Variants in SMURF2 observed in about 807,000 individuals in gnomAD.
SMURF2 encodes the protein E3 ubiquitin-protein ligase SMURF2.
A neutral mutation model predicts 109.6 loss-of-function variants in SMURF2; 48 were observed. The ratio of observed to expected loss-of-function variants is 0.44; its 90% CI spans 0.35 to 0.56. The LOEUF (loss-of-function observed/expected upper bound fraction) is 0.56, where lower values mean the gene tolerates loss of function less well. SMURF2 is among the 20% of genes least tolerant of loss of function. SMURF2 has a pLI of 0.01. For synonymous variants in SMURF2, 288 were observed against 317.1 expected (o/e 0.91, Z 0.97); for missense variants, 575 against 909.0 (o/e 0.63, Z 4.72).
Position 64,555,865 on chromosome 17 carries a change from A to G in SMURF2, c.1565T>C (p.Met522Thr). 1.9e-6 allele frequency: 3 copies of G among 1,613,360 alleles called. No individual in the cohort carries two copies. The highest frequency in any genetic ancestry group is 2.5e-6 in the Non-Finnish European group (3 of 1,179,596). Residue 522 changes from methionine to threonine, a missense_variant, in exon 14 of 19, where the codon ATG becomes ACG. Coordinates refer to ENST00000262435, the MANE Select transcript of SMURF2 (RefSeq NM_022739.4). ...GTGAAGATCCGGATCTACTAACTCC[A>G]TGTCATCCAAGGTAATTGACTTCCC... is the stretch of plus-strand genomic sequence containing the variant. ...LLGKSITLDDMELVDPDLHNS... is the reference protein window; with the variant it reads ...LLGKSITLDDTELVDPDLHNS...
chr17:64,646,385 T>C (rs1555692976), intron 1 of SMURF2, among the ~76,000 whole-genome samples: 1 of 150,174 alleles, frequency 6.7e-6, no homozygotes, highest in African/African-American at 2.4e-5. Context: ...TTCTTTCTTT[T>C]TTTTTTTTTT....
At chr17:64,655,192 AACTTAGAT>A (rs1970690045) in intron 1 of SMURF2, among the ~76,000 whole-genome samples, 1 of 151,896 alleles carries the variant, frequency 6.6e-6, no homozygotes, top group African/African-American at 2.4e-5. Context: ...AAACTAAATA[AACTTAGAT>A]ACTTCTTTTT....
rs2144747388 is a variant in SMURF2, at chr17:64,662,282, T to C, written c.-402A>G. The C allele has an allele frequency of 1.0e-6, 1 of 981,506 alleles. No homozygotes were observed. Among genetic ancestry groups the C allele is most frequent in the African/African-American group, 1.8e-5 (1 of 56,294 alleles). 60.8% of individuals were successfully genotyped at this position (981,506 alleles called of 1,614,324 possible). ...GGAGCAGAACTCTGGGCTCGGCCGC[T>C]TCCTCCTCCACCCGCCCTCTTGTCT... On this transcript the variant is annotated 5_prime_UTR_variant, in exon 1 of 19. Transcript: ENST00000262435.
At chr17:64,642,802 A>AT (rs1390916183) in intron 1 of SMURF2, among the ~76,000 whole-genome samples, 1 of 151,640 alleles carries the variant, frequency 6.6e-6, no homozygotes, top group African/African-American at 2.4e-5. Context: ...TTATTTATTT[A>AT]TTTATTTTTT....
intron 3 of SMURF2, among the ~76,000 whole-genome samples, chr17:64,595,872 A>C (rs1268106801): frequency 6.6e-6 from 1 of 152,202 alleles, no homozygotes; most frequent in Admixed American, 6.5e-5. Flanking sequence ...CAGAGGAATA[A>C]AGAAACTTCC....
chr17:64,662,240 C>T lies in SMURF2; in HGVS notation c.-360G>A. On this transcript the variant is annotated 5_prime_UTR_variant, in exon 1 of 19. Coordinates refer to ENST00000262435, the MANE Select transcript of SMURF2 (RefSeq NM_022739.4). ...GACGGGGCTGGTCGGCTGAAGCGGG[C>T]GGTGCTCGGGGGCGCCGGAGCAGAA... 1.6e-5 allele frequency: 16 copies of T among 983,120 alleles called. No homozygotes were observed. Among genetic ancestry groups the T allele is most frequent in the Non-Finnish European group, 1.7e-5 (14 of 829,082 alleles). The allele number at this position is 983,120 out of a possible 1,614,324, so 60.9% of individuals were successfully genotyped here.
chr17:64,556,256 C>G (rs1969118695), intron 13 of SMURF2, among the ~76,000 whole-genome samples: 2 of 152,038 alleles, frequency 1.3e-5, no homozygotes, highest in African/African-American at 2.4e-5. Flanking sequence ...AAATTAAGTC[C>G]AAACTATGGT....
intron 4 of SMURF2, among the ~76,000 whole-genome samples, chr17:64,591,765 T>C (rs140755369): frequency 4.6e-5 from 7 of 152,364 alleles, no homozygotes; most frequent in African/African-American, 9.6e-5. Flanking sequence ...ACAGCACTTA[T>C]AGCTGAATGC....
chr17:64,587,912 T>G (rs1555687252), intron 5 of SMURF2, among the ~76,000 whole-genome samples: 2 of 152,080 alleles, frequency 1.3e-5, no homozygotes, highest in Non-Finnish European at 2.9e-5. Context: ...AAGAATTTCA[T>G]GGGCTTCAAT....
intron 1 of SMURF2, among the ~76,000 whole-genome samples, chr17:64,608,199 A>G (rs1443762027): frequency 2.6e-5 from 4 of 152,072 alleles, no homozygotes; most frequent in African/African-American, 7.2e-5. Context: ...AACAGTTTAA[A>G]TGAATTACAG....
At chr17:64,583,231 ATATT>A (rs1568183442) in intron 7 of SMURF2, among the ~76,000 whole-genome samples, 1 of 152,178 alleles carries the variant, frequency 6.6e-6, no homozygotes, top group Non-Finnish European at 1.5e-5. Flanking sequence ...CATTCAATAA[ATATT>A]TATTGAGTAC....
chr17:64,576,355 C>T (rs1969490184), intron 9 of SMURF2, among the ~76,000 whole-genome samples: 1 of 151,848 alleles, frequency 6.6e-6, no homozygotes, highest in Non-Finnish European at 1.5e-5. Flanking sequence ...CTGAAATACA[C>T]AAGTTTGGAT....
intron 1 of SMURF2, among the ~76,000 whole-genome samples, chr17:64,653,811 GTAATGGCCAAAAA>G (rs1445934671): frequency 6.6e-6 from 1 of 152,154 alleles, no homozygotes; most frequent in Non-Finnish European, 1.5e-5. Flanking sequence ...ATGTTTATTC[GTAATGGCCAAAAA>G]CTGGAAACAA....
intron 16 of SMURF2, 61 bp downstream of exon 16, chr17:64,551,523 A>C (rs1197726570): frequency 6.4e-7 from 1 of 1,563,512 alleles, no homozygotes; most frequent in Non-Finnish European, 8.8e-7. Flanking sequence ...AAACTAAGTA[A>C]CAAAATAATT....
At chr17:64,639,664 C>T (rs1289783565) in intron 1 of SMURF2, among the ~76,000 whole-genome samples, 4 of 152,138 alleles carry the variant, frequency 2.6e-5, no homozygotes, top group African/African-American at 9.7e-5. Flanking sequence ...ACCAGCTATA[C>T]CATGAATTAC....
At chr17:64,648,576 A>G (rs1247251277) in intron 1 of SMURF2, among the ~76,000 whole-genome samples, 1 of 152,170 alleles carries the variant, frequency 6.6e-6, no homozygotes, top group Non-Finnish European at 1.5e-5. Flanking sequence ...GTTTGAGACC[A>G]GCCTGGGCAA....
At chr17:64,556,709 T>C (rs1207462838) in intron 13 of SMURF2, among the ~76,000 whole-genome samples, 1 of 152,196 alleles carries the variant, frequency 6.6e-6, no homozygotes, top group Admixed American at 6.5e-5. Context: ...AAATAACTTC[T>C]TGAAACAAAT....
chr17:64,549,145 C>A (rs782646756), intron 16 of SMURF2, among the ~76,000 whole-genome samples: 1 of 149,876 alleles, frequency 6.7e-6, no homozygotes, highest in Non-Finnish European at 1.5e-5. Context: ...GGTAGCCGGG[C>A]GTGGTGGCGG....
chr17:64,649,765 G>A (rs1970611636), intron 1 of SMURF2, among the ~76,000 whole-genome samples: 2 of 152,108 alleles, frequency 1.3e-5, no homozygotes, highest in Non-Finnish European at 2.9e-5. Context: ...AACTGCTTAA[G>A]CCAGGGAGGC....
Sources: gnomAD v4.1 joint callset for allele counts (sites outside exome capture counted in the v4.1 genomes callset) on GRCh38, gnomAD v4.1.1 for gene constraint, MANE v1.5 for transcripts, NCBI Gene and HGNC (gene_info 2026-07-23, HGNC 2026-07-21) for gene names.